SHISA9: variants seen among roughly 807,000 people sequenced by gnomAD.
SHISA9 encodes protein shisa-9.
Under a neutral mutation model 38.0 loss-of-function variants are expected in SHISA9, and 13 were observed. That is an observed-to-expected ratio of 0.34 (90% CI 0.22 to 0.54). The LOEUF (loss-of-function observed/expected upper bound fraction) is 0.54, where lower values mean the gene tolerates loss of function less well. Ranked by LOEUF, SHISA9 falls within the 20% of genes least tolerant of loss-of-function variation. The probability of loss-of-function intolerance (pLI) is 0.91; values close to 1 mark genes in which losing one functional copy is unlikely to be tolerated. For missense variants in SHISA9, 538 were observed against 575.8 expected (o/e 0.93, Z 0.67); for synonymous variants, 275 against 242.0 (o/e 1.14, Z -1.27).
intron 2 of SHISA9, among the ~76,000 whole-genome samples, chr16:13,149,275 A>C (rs901673771): frequency 6.6e-6 from 1 of 152,186 alleles, no homozygotes; most frequent in Non-Finnish European, 1.5e-5. Flanking sequence ...CCAGCTGCCC[A>C]GGCTGATGTC....
chr16:13,529,298 A>G, the SHISA9 span, among the ~76,000 whole-genome samples: 24 of 152,308 alleles, frequency 1.6e-4, no homozygotes, highest in Admixed American at 1.3e-3. Flanking sequence ...TGATCTTGCA[A>G]CTCAACCCTG....
At chr16:13,249,195 C>T in the SHISA9 span, among the ~76,000 whole-genome samples, 1 of 152,276 alleles carries the variant, frequency 6.6e-6, no homozygotes, top group Admixed American at 6.5e-5. Flanking sequence ...GACATTAGTC[C>T]TGGTCCAGCT....
the SHISA9 span, among the ~76,000 whole-genome samples, chr16:13,352,673 G>A: frequency 0.22 from 19,909 of 88,960 alleles, 1,617 homozygotes; most frequent in Non-Finnish European, 0.28. Flanking sequence ...GGCTGAGTCC[G>A]GAAAGAGAGT....
intron 2 of SHISA9, among the ~76,000 whole-genome samples, chr16:13,025,208 C>G (rs1412505360): frequency 6.6e-6 from 1 of 152,098 alleles, no homozygotes; most frequent in East Asian, 1.9e-4. Context: ...TAGGCAAGGG[C>G]TAATTATTAC....
the SHISA9 span, among the ~76,000 whole-genome samples, chr16:13,465,361 G>C: frequency 1.2e-4 from 18 of 152,278 alleles, no homozygotes; most frequent in East Asian, 3.5e-3. Flanking sequence ...ACGTGGGGCA[G>C]GTTCATTTTG....
At chr16:13,469,401 G>GAAAGA in the SHISA9 span, among the ~76,000 whole-genome samples, 1 of 124,714 alleles carries the variant, frequency 8.0e-6, no homozygotes, top group African/African-American at 3.4e-5. Flanking sequence ...AAGAAAGAAA[G>GAAAGA]AAAGAAAGAA....
intron 2 of SHISA9, among the ~76,000 whole-genome samples, chr16:12,998,412 TG>T (rs2072485336): frequency 2.0e-5 from 3 of 152,376 alleles, no homozygotes; most frequent in African/African-American, 7.2e-5. Flanking sequence ...AGCCTCCTTT[TG>T]GTATGTAGCT....
At chr16:13,186,974 C>T (rs934246436) in intron 2 of SHISA9, among the ~76,000 whole-genome samples, 2 of 152,190 alleles carry the variant, frequency 1.3e-5, no homozygotes, top group Non-Finnish European at 2.9e-5. Flanking sequence ...ATTCATCTGT[C>T]GATGGACACG....
At chr16:13,488,916 C>A in the SHISA9 span, among the ~76,000 whole-genome samples, 1 of 152,100 alleles carries the variant, frequency 6.6e-6, no homozygotes, top group African/African-American at 2.4e-5. Flanking sequence ...CGCCTGCCAC[C>A]GCGCCTGCCA....
At chr16:13,006,699 T>A (rs1048753673) in intron 2 of SHISA9, among the ~76,000 whole-genome samples, 2 of 152,212 alleles carry the variant, frequency 1.3e-5, no homozygotes, top group African/African-American at 4.8e-5. Context: ...ACTGTGAATC[T>A]GCCTTGAGAA....
Position 13,203,531 on chromosome 16 carries a change from G to T in SHISA9, c.829G>T (p.Ala277Ser), listed in dbSNP as rs746874108. Residue 277 changes from alanine to serine, a missense_variant, in exon 3 of 5, where the codon GCC becomes TCC. Around this residue, in one of 4 missense-constraint regions of SHISA9, gnomAD observed 326 missense variants for 305.9 expected, o/e 1.07. Coordinates refer to ENST00000558583, the MANE Select transcript of SHISA9 (RefSeq NM_001145204.3). Reference sequence around the variant, plus strand: ...ACCAGGAAAAGAGCTCAACAAGTACGCCTCCTTAAAGGCAGTCGGTAAGTG... The same window carrying T: ...ACCAGGAAAAGAGCTCAACAAGTACTCCTCCTTAAAGGCAGTCGGTAAGTG... Reference protein sequence around the residue: ...QPPGKELNKYASLKAVGSSDG... With the variant: ...QPPGKELNKYSSLKAVGSSDG... 2 of 1,539,520 alleles carry T rather than the reference G, an allele frequency of 1.3e-6. No individual in the cohort carries two copies. The highest frequency in any genetic ancestry group is 4.1e-5 in the Admixed American group (2 of 48,732).
chr16:13,455,200 A>G, the SHISA9 span, among the ~76,000 whole-genome samples: 1 of 152,146 alleles, frequency 6.6e-6, no homozygotes, highest in African/African-American at 2.4e-5. Flanking sequence ...TTTCCCTTCT[A>G]TGCCCTATTT....
the SHISA9 span, among the ~76,000 whole-genome samples, chr16:13,295,796 C>T: frequency 6.6e-6 from 1 of 152,050 alleles, no homozygotes; most frequent in African/African-American, 2.4e-5. Context: ...ATGCAGTGGT[C>T]CTTTCTAGAG....
chr16:13,190,435 C>T (rs928501960), intron 2 of SHISA9, among the ~76,000 whole-genome samples: 1 of 152,152 alleles, frequency 6.6e-6, no homozygotes, highest in Non-Finnish European at 1.5e-5. Context: ...GTGGTTTCTT[C>T]GTCCACATAT....
chr16:13,301,849 G>A, the SHISA9 span, among the ~76,000 whole-genome samples: 6 of 152,250 alleles, frequency 3.9e-5, no homozygotes, highest in African/African-American at 7.2e-5. Flanking sequence ...CTCTTTGAAC[G>A]TCACTTTTCT....
chr16:12,962,214 G>A (rs957846703), intron 2 of SHISA9, among the ~76,000 whole-genome samples: 1 of 152,190 alleles, frequency 6.6e-6, no homozygotes, highest in African/African-American at 2.4e-5. Flanking sequence ...AACAGCCCTA[G>A]GAGGCAGGAA....
chr16:13,081,369 A>C (rs1273447283), intron 2 of SHISA9, among the ~76,000 whole-genome samples: 1 of 152,204 alleles, frequency 6.6e-6, no homozygotes, highest in Non-Finnish European at 1.5e-5. Context: ...AGCACTCTTT[A>C]TCATGGATGT....
chr16:12,902,040 G>T lies in SHISA9; in HGVS notation c.-25G>T. On this transcript the variant is annotated 5_prime_UTR_variant, in exon 1 of 5. Coordinates refer to ENST00000558583, the MANE Select transcript of SHISA9 (RefSeq NM_001145204.3). The stretch of plus-strand genomic sequence containing the variant: ...GCAGAGGCTCCAGCGGCGGCCGAGC[G>T]GCCGAGCCCGGGCTGGGAGACACCA... 2 of 1,436,460 alleles carry T rather than the reference G, an allele frequency of 1.4e-6. No homozygotes were observed. The highest frequency in any genetic ancestry group is 1.8e-6 in the Non-Finnish European group (2 of 1,101,844). The allele number at this position is 1,436,460 out of a possible 1,614,324, so 89.0% of individuals were successfully genotyped here.
At chr16:13,063,440 G>A (rs140389920) in intron 2 of SHISA9, among the ~76,000 whole-genome samples, 162 of 152,036 alleles carry the variant, frequency 1.1e-3, no homozygotes, top group African/African-American at 3.5e-3. Flanking sequence ...AGTACACAAA[G>A]CATGTTCACC....
Sources: gnomAD v4.1 joint callset for allele counts (sites outside exome capture counted in the v4.1 genomes callset) on GRCh38, gnomAD v4.1.1 for gene constraint, gnomAD v4.1.1 regional missense constraint, MANE v1.5 for transcripts, NCBI Gene and HGNC (gene_info 2026-07-23, HGNC 2026-07-21) for gene names.